Variants in COL4A1 observed in about 807,000 individuals in gnomAD.
COL4A1 encodes collagen alpha-1(IV) chain.
COL4A1 carries 40 observed loss-of-function variants against 216.6 expected under a neutral mutation model. That is an observed-to-expected ratio of 0.18 (90% CI 0.14 to 0.24). The LOEUF (loss-of-function observed/expected upper bound fraction) is 0.24, where lower values mean the gene tolerates loss of function less well. Ranked by LOEUF, COL4A1 falls within the 10% of genes least tolerant of loss-of-function variation. The pLI is 1.00. For missense variants in COL4A1, 1,628 were observed against 2,196.8 expected, an observed-to-expected ratio of 0.74 and a Z score of 5.18; for synonymous variants, 839 against 810.7, an observed-to-expected ratio of 1.03 and a Z score of -0.59.
chr13:110,302,687 G>A (rs998444680), intron 1 of COL4A1, among the ~76,000 whole-genome samples: 1 of 152,250 alleles, frequency 6.6e-6, no homozygotes, highest in Admixed American at 6.5e-5. Flanking sequence ...AGTGTCAAAA[G>A]ACTCAGAAGA....
intron 49 of COL4A1, 36 bp from the exon 50 acceptor site, chr13:110,155,433 G>A (rs980701216): frequency 7.9e-6 from 12 of 1,522,944 alleles, no homozygotes; most frequent in Middle Eastern, 1.7e-4. Flanking sequence ...CACAGCCGGG[G>A]TGCAGGGCAG....
chr13:110,193,002 T>C lies in COL4A1; in HGVS notation c.1382-89A>G, dbSNP rs933330085. 2.5e-6 allele frequency: 3 copies of C among 1,192,002 alleles called. No individual in the cohort carries two copies. The Admixed American group carries it at 5.2e-5, about 21-fold the overall frequency. The allele number at this position is 1,192,002 out of a possible 1,614,324, so 73.8% of individuals were successfully genotyped here. On this transcript the variant is annotated intron_variant, in intron 22 of 51. Coordinates refer to ENST00000375820, the MANE Select transcript of COL4A1 (RefSeq NM_001845.6). Reference sequence around the variant, plus strand: ...GAGAGAACAGAAAAAGGCAAGGCTGTCACTAACATATTACATCCAAACTTA... The same window carrying C: ...GAGAGAACAGAAAAAGGCAAGGCTGCCACTAACATATTACATCCAAACTTA...
At chr13:110,291,155 G>A (rs1231745821) in intron 1 of COL4A1, among the ~76,000 whole-genome samples, 2 of 152,212 alleles carry the variant, frequency 1.3e-5, no homozygotes, top group East Asian at 1.9e-4. Flanking sequence ...AAGGTGTGTC[G>A]AGGACCTGGT....
intron 49 of COL4A1, among the ~76,000 whole-genome samples, chr13:110,159,384 C>T (rs997855808): frequency 1.7e-4 from 26 of 152,174 alleles, no homozygotes; most frequent in African/African-American, 5.3e-4. Flanking sequence ...AGTATGTCTG[C>T]GGTATTACGA....
At chr13:110,194,233 T>C (rs1878775211) in intron 22 of COL4A1, among the ~76,000 whole-genome samples, 1 of 152,222 alleles carries the variant, frequency 6.6e-6, no homozygotes, top group Non-Finnish European at 1.5e-5. Flanking sequence ...AATTCTAAGA[T>C]GCTGGCTGAA....
intron 42 of COL4A1, 74 bp downstream of exon 42, chr13:110,170,473 A>AT (rs1170741876): frequency 1.4e-6 from 2 of 1,471,510 alleles, no homozygotes; most frequent in Non-Finnish European, 1.8e-6. Flanking sequence ...GAATTTAACT[A>AT]TTTCTTTTAC....
At chr13:110,302,179 G>A (rs1884520814) in intron 1 of COL4A1, among the ~76,000 whole-genome samples, 4 of 152,196 alleles carry the variant, frequency 2.6e-5, no homozygotes. Context: ...GGATAAAGAA[G>A]AGGAAAGGCT....
chr13:110,192,481 G>A (rs1322689758), intron 23 of COL4A1, among the ~76,000 whole-genome samples, 197 bp from the exon 24 acceptor site: 1 of 152,066 alleles, frequency 6.6e-6, no homozygotes, highest in East Asian at 1.9e-4. Context: ...ATGTACACCC[G>A]GAAGCAGGAA....
At chr13:110,197,508 C>T (rs1031813239) in intron 21 of COL4A1, among the ~76,000 whole-genome samples, 37 of 152,116 alleles carry the variant, frequency 2.4e-4, no homozygotes, top group African/African-American at 8.9e-4. Flanking sequence ...TCCAGGACTG[C>T]AATATTTTAT....
At chr13:110,195,398 T>C (rs1878840292) in intron 21 of COL4A1, among the ~76,000 whole-genome samples, 2 of 152,228 alleles carry the variant, frequency 1.3e-5, no homozygotes, top group Non-Finnish European at 2.9e-5. Flanking sequence ...TCCTGTATAC[T>C]ATTTCATTTC....
In COL4A1 at chr13:110,174,477, C is replaced by T. The variant is rs1877785834; in HGVS notation, c.3375G>A (p.Leu1125=). 2 of 1,614,012 alleles carry T rather than the reference C, an allele frequency of 1.2e-6. No homozygotes were observed. Among genetic ancestry groups the T allele is most frequent in the Non-Finnish European group, 1.7e-6 (2 of 1,180,030 alleles). Residue 1125 remains leucine, a synonymous_variant, in exon 39 of 52, where the codon TTG becomes TTA. Transcript: ENST00000375820. ...GEKGDKGLPG[L]DGIPGVKGEA... ...CTCCTTTGACACCAGGGATGCCATC[C>T]AATCCTGGGAGGCCTTTGTCACCTT... is the stretch of plus-strand genomic sequence containing the variant.
intron 46 of COL4A1, among the ~76,000 whole-genome samples, chr13:110,163,921 C>T (rs1202385049): frequency 2.6e-5 from 4 of 151,648 alleles, no homozygotes; most frequent in African/African-American, 9.7e-5. Context: ...ACAGATATAC[C>T]AACATGGATA....
chr13:110,282,680 AG>A (rs375300606), intron 1 of COL4A1, among the ~76,000 whole-genome samples: 2 of 152,234 alleles, frequency 1.3e-5, no homozygotes, highest in East Asian at 3.8e-4. Flanking sequence ...CTCCAAGCAC[AG>A]GGTCTGTACC....
At chr13:110,255,579 A>G (rs1336689792) in intron 1 of COL4A1, among the ~76,000 whole-genome samples, 3 of 15,518 alleles carry the variant, frequency 1.9e-4, no homozygotes, top group Non-Finnish European at 2.9e-4. Flanking sequence ...GGGAGGGGGC[A>G]GGCAGGCAGG....
In COL4A1 at chr13:110,149,234, A is replaced by C. The variant is rs1422013396; in HGVS notation, c.*1129T>G. ...CTGCGGTCCATGCGATGCCCTGCTG[A>C]GGTCTGTGAACACAGCTCATGAGAA... On this transcript the variant is annotated 3_prime_UTR_variant, in exon 52 of 52. Transcript: ENST00000375820. 1 of 154,776 alleles carries C rather than the reference A, an allele frequency of 6.5e-6. No individual in the cohort carries two copies. Among genetic ancestry groups the C allele is most frequent in the African/African-American group, 2.4e-5 (1 of 41,510 alleles). The allele number at this position is 154,776 out of a possible 1,614,324, so 9.6% of individuals were successfully genotyped here. A position where few individuals can be genotyped will look rare whatever the true frequency, so the allele number is the denominator to read the frequency against.
At chr13:110,267,221 C>G (rs1297799889) in intron 1 of COL4A1, among the ~76,000 whole-genome samples, 2 of 152,104 alleles carry the variant, frequency 1.3e-5, no homozygotes. Context: ...AGGGGAAGGA[C>G]CTCGCACTAT....
intron 1 of COL4A1, among the ~76,000 whole-genome samples, chr13:110,263,390 C>T (rs1488441776): frequency 3.3e-5 from 5 of 152,212 alleles, no homozygotes; most frequent in Non-Finnish European, 7.3e-5. Flanking sequence ...TGAGCCCCAC[C>T]ACGCCCTTAC....
At chr13:110,192,059 C>T (rs1878652569) in intron 24 of COL4A1, among the ~76,000 whole-genome samples, 155 bp downstream of exon 24, 1 of 152,214 alleles carries the variant, frequency 6.6e-6, no homozygotes, top group Non-Finnish European at 1.5e-5. Context: ...GAGACAAGGG[C>T]CGCATGGAGT....
At chr13:110,259,093 G>A (rs942385717) in intron 1 of COL4A1, among the ~76,000 whole-genome samples, 6 of 152,194 alleles carry the variant, frequency 3.9e-5, no homozygotes, top group African/African-American at 9.7e-5. Context: ...TTTCTGACGC[G>A]TGCGCCCTTT....
Sources: gnomAD v4.1 joint callset for allele counts (sites outside exome capture counted in the v4.1 genomes callset) on GRCh38, gnomAD v4.1.1 for gene constraint, MANE v1.5 for transcripts, NCBI Gene and HGNC (gene_info 2026-07-23, HGNC 2026-07-21) for gene names.